The following NKAIN3 variants were observed in gnomAD, a reference collection of about 807,000 sequenced individuals.
The protein encoded by NKAIN3 is sodium/potassium transporting ATPase interacting 3.
NKAIN3 carries 25 observed loss-of-function variants against 30.2 expected under a neutral mutation model. The ratio of observed to expected loss-of-function variants is 0.83; its 90% CI spans 0.60 to 1.16. The LOEUF is 1.16. NKAIN3 is among the 50% of genes most tolerant of loss of function. NKAIN3 has a pLI of 0.00. For synonymous variants in NKAIN3, 91 were observed against 89.6 expected, an observed-to-expected ratio of 1.02 and a Z score of -0.09; for missense variants, 225 against 254.1, an observed-to-expected ratio of 0.89 and a Z score of 0.78.
At chr8:62,589,505 T>A (rs1026697318) in intron 2 of NKAIN3, among the ~76,000 whole-genome samples, 1 of 151,730 alleles carries the variant, frequency 6.6e-6, no homozygotes, top group Non-Finnish European at 1.5e-5. Context: ...TCTAACTTTG[T>A]TGGTGTCTAC....
At chr8:62,498,416 C>T (rs1439414281) in intron 1 of NKAIN3, among the ~76,000 whole-genome samples, 1 of 152,086 alleles carries the variant, frequency 6.6e-6, no homozygotes, top group Non-Finnish European at 1.5e-5. Context: ...GCTCCACCCT[C>T]TCTGACACAT....
At chr8:62,326,601 C>T (rs1314983009) in intron 1 of NKAIN3, among the ~76,000 whole-genome samples, 1 of 151,574 alleles carries the variant, frequency 6.6e-6, no homozygotes, top group Non-Finnish European at 1.5e-5. Flanking sequence ...TGGGTATTTT[C>T]AACTTCCCTA....
At chr8:62,863,016 C>T (rs1820300887) in intron 4 of NKAIN3, 1 of 620,908 alleles carries the variant, frequency 1.6e-6, no homozygotes. Flanking sequence ...TGTAACCACA[C>T]GTGTACATGC....
intron 4 of NKAIN3, among the ~76,000 whole-genome samples, chr8:62,838,736 G>A (rs1272726660): frequency 6.6e-6 from 1 of 151,956 alleles, no homozygotes; most frequent in Non-Finnish European, 1.5e-5. Context: ...CAAAATAATC[G>A]AAAATTATAT....
At chr8:62,761,835 C>A in intron 4 of NKAIN3, among the ~76,000 whole-genome samples, 1 of 152,210 alleles carries the variant, frequency 6.6e-6, no homozygotes, top group Middle Eastern at 3.4e-3. Context: ...TAATAAATAT[C>A]GGTATGTGTT....
At chr8:62,446,344 GT>G (rs948217708) in intron 1 of NKAIN3, among the ~76,000 whole-genome samples, 3 of 151,790 alleles carry the variant, frequency 2.0e-5, no homozygotes, top group South Asian at 4.2e-4. Context: ...CATATGGCTG[GT>G]TTTTTTTAGT....
At chr8:62,469,425 G>C (rs896397253) in intron 1 of NKAIN3, among the ~76,000 whole-genome samples, 1 of 152,088 alleles carries the variant, frequency 6.6e-6, no homozygotes, top group Non-Finnish European at 1.5e-5. Context: ...TATGAACCAA[G>C]TTATCTGAAT....
rs1823736883 is a variant in NKAIN3 at position 62,967,331 on chromosome 8, C to T, written c.*1924C>T. On this transcript the variant is annotated 3_prime_UTR_variant, in exon 7 of 7. Coordinates refer to ENST00000623646, the MANE Select transcript of NKAIN3 (RefSeq NM_001304533.3). ...GACAGTGTTTGCCATCTCTGCACTA[C>T]AGTTTTCCTCATCAATGAAGTGGAA... Among the ~76,000 whole-genome samples the T allele has an allele frequency of 6.6e-6, 1 of 152,188 alleles. No homozygotes were observed.
intron 1 of NKAIN3, among the ~76,000 whole-genome samples, chr8:62,536,195 T>C (rs890344626): frequency 6.6e-6 from 1 of 152,142 alleles, no homozygotes; most frequent in African/African-American, 2.4e-5. Context: ...GAATAAAGAA[T>C]GCTTATAGCA....
At chr8:62,870,272 A>ATATCTATAGATATCTATATCTAGATC (rs1820579218) in intron 4 of NKAIN3, among the ~76,000 whole-genome samples, 2 of 124,742 alleles carry the variant, frequency 1.6e-5, no homozygotes, top group African/African-American at 6.6e-5. Context: ...CTATATATAG[A>ATATCTATAGATATCTATATCTAGATC]TATATATAAA....
At chr8:62,764,852 C>T (rs1365810153) in intron 4 of NKAIN3, among the ~76,000 whole-genome samples, 2 of 152,152 alleles carry the variant, frequency 1.3e-5, no homozygotes, top group Admixed American at 1.3e-4. Flanking sequence ...AAGCTATTCT[C>T]ATTAATGGAA....
chr8:62,664,616 G>A (rs958574237), intron 3 of NKAIN3, among the ~76,000 whole-genome samples: 1 of 152,026 alleles, frequency 6.6e-6, no homozygotes. Context: ...TCCCAGCCAG[G>A]CACTCTCAGT....
At chr8:62,798,976 T>C (rs1367162708) in intron 4 of NKAIN3, among the ~76,000 whole-genome samples, 1 of 152,006 alleles carries the variant, frequency 6.6e-6, no homozygotes, top group Non-Finnish European at 1.5e-5. Flanking sequence ...AGTAACCAGA[T>C]GGGGACTCAC....
At chr8:62,825,917 G>A (rs1190708522) in intron 4 of NKAIN3, among the ~76,000 whole-genome samples, 1 of 152,178 alleles carries the variant, frequency 6.6e-6, no homozygotes, top group Non-Finnish European at 1.5e-5. Context: ...GTGAGGGAAG[G>A]AAGGGCACCG....
intron 1 of NKAIN3, among the ~76,000 whole-genome samples, chr8:62,274,524 T>G (rs1400372783): frequency 6.6e-6 from 1 of 152,200 alleles, no homozygotes; most frequent in Non-Finnish European, 1.5e-5. Flanking sequence ...TTTTTCTATT[T>G]AAACAAAGCA....
At chr8:62,917,958 A>G (rs1004582584) in intron 4 of NKAIN3, among the ~76,000 whole-genome samples, 10 of 152,244 alleles carry the variant, frequency 6.6e-5, no homozygotes, top group Admixed American at 1.3e-4. Context: ...GGTTTGATTA[A>G]CAAAGCAATT....
intron 4 of NKAIN3, among the ~76,000 whole-genome samples, chr8:62,891,335 G>C (rs2130825264): frequency 6.6e-6 from 1 of 152,294 alleles, no homozygotes; most frequent in Admixed American, 6.5e-5. Context: ...TCAGCTTTTG[G>C]ACTCTTGGAC....
chr8:62,495,848 A>G (rs1807221568), intron 1 of NKAIN3, among the ~76,000 whole-genome samples: 2 of 152,106 alleles, frequency 1.3e-5, no homozygotes, highest in Non-Finnish European at 2.9e-5. Flanking sequence ...ATAGCTAACA[A>G]GTTAATTCAT....
intron 3 of NKAIN3, among the ~76,000 whole-genome samples, chr8:62,742,658 A>G (rs1480947997): frequency 6.6e-6 from 1 of 152,222 alleles, no homozygotes; most frequent in Admixed American, 6.5e-5. Flanking sequence ...GATGTGCTTA[A>G]ATCATCACAC....
Sources: gnomAD v4.1 joint callset for allele counts (sites outside exome capture counted in the v4.1 genomes callset) on GRCh38, gnomAD v4.1.1 for gene constraint, MANE v1.5 for transcripts, NCBI Gene and HGNC (gene_info 2026-07-23, HGNC 2026-07-21) for gene names.